FLYWCH1: variants seen among roughly 807,000 people sequenced by gnomAD.
The protein encoded by FLYWCH1 is FLYWCH-type zinc finger-containing protein 1.
In FLYWCH1, 75 loss-of-function variants were observed where a neutral mutation model predicts 66.4. That is an observed-to-expected ratio of 1.13 (90% CI 0.94 to 1.37). FLYWCH1 has a LOEUF of 1.37. FLYWCH1 is among the 40% of genes most tolerant of loss of function. The pLI is 0.00. For missense variants in FLYWCH1, 1,334 were observed against 1,001.8 expected (o/e 1.33, Z -4.48); for synonymous variants, 595 against 429.9 (o/e 1.38, Z -4.75).
intron 2 of FLYWCH1, among the ~76,000 whole-genome samples, chr16:2,917,524 C>T (rs1049544118): frequency 4.0e-5 from 6 of 151,648 alleles, no homozygotes; most frequent in African/African-American, 7.3e-5. Context: ...CCACCATGCC[C>T]GGCCGTTAAT....
At chr16:2,926,644 G>T (rs563677151) in intron 2 of FLYWCH1, among the ~76,000 whole-genome samples, 1 of 152,332 alleles carries the variant, frequency 6.6e-6, no homozygotes, top group South Asian at 2.1e-4. Context: ...TGACTTTGTG[G>T]CAAGATTGCA....
At chr16:2,912,229 G>GGGGTCCCGA (rs2070011559) in intron 1 of FLYWCH1, 75 bp downstream of exon 1, 2 of 152,340 alleles carry the variant, frequency 1.3e-5, no homozygotes, top group African/African-American at 4.8e-5. Flanking sequence ...GGCTCTCCCG[G>GGGGTCCCGA]GGGTCCCGAG....
At chr16:2,945,833 T>TA (rs1273789057) in intron 9 of FLYWCH1, among the ~76,000 whole-genome samples, 4 of 151,694 alleles carry the variant, frequency 2.6e-5, no homozygotes, top group Admixed American at 1.3e-4. Flanking sequence ...CCATCTCTAC[T>TA]AAAAATACAA....
chr16:2,943,339 G>A (rs756231653), intron 9 of FLYWCH1: 4 of 151,742 alleles, frequency 2.6e-5, no homozygotes, highest in African/African-American at 4.9e-5. Flanking sequence ...GGTTTCCTCC[G>A]GCCCTCACCC....
intron 7 of FLYWCH1, 34 bp from the exon 8 acceptor site, chr16:2,938,150 G>A (rs752847922): frequency 1.2e-6 from 2 of 1,600,746 alleles, no homozygotes; most frequent in South Asian, 1.1e-5. Flanking sequence ...CCAGGCCCCT[G>A]TGGCCCCACT....
At position 2,950,141 on chromosome 16, in the gene FLYWCH1, A is replaced by G. The variant is rs1484396495; in HGVS notation, c.*1414A>G. 6.6e-6 allele frequency: 1 copy of G among 152,272 alleles called. No homozygotes were observed. The highest frequency in any genetic ancestry group is 1.5e-5 in the Non-Finnish European group (1 of 68,082). The allele number at this position is 152,272 out of a possible 1,614,324, so 9.4% of individuals were successfully genotyped here. A position where few individuals can be genotyped will look rare whatever the true frequency, so the allele number is the denominator to read the frequency against. ...CTGCGTTACGCCTAGACTCATCTGCATAAGCCTGGGCAAGTGGCACCCCTG... is the reference window on the plus strand; with the variant it reads ...CTGCGTTACGCCTAGACTCATCTGCGTAAGCCTGGGCAAGTGGCACCCCTG... On this transcript the variant is annotated 3_prime_UTR_variant, in exon 10 of 10. Transcript: ENST00000253928.
intron 4 of FLYWCH1, among the ~76,000 whole-genome samples, chr16:2,931,329 A>G (rs2070755423): frequency 7.4e-6 from 1 of 136,024 alleles, no homozygotes; most frequent in East Asian, 2.1e-4. Context: ...AAAAAAAAAA[A>G]ATACATAAAT....
At chr16:2,933,693 G>T in intron 5 of FLYWCH1, 23 bp from the exon 6 acceptor site, 1 of 1,603,578 alleles carries the variant, frequency 6.2e-7, no homozygotes, top group Non-Finnish European at 8.5e-7. Flanking sequence ...CCCCTCCCCT[G>T]ACTGCCTCTT....
At chr16:2,941,015 A>G (rs67886023) in intron 9 of FLYWCH1, among the ~76,000 whole-genome samples, 1 of 151,986 alleles carries the variant, frequency 6.6e-6, no homozygotes, top group African/African-American at 2.4e-5. Flanking sequence ...CATGTAATCC[A>G]AGCTATTCGG....
intron 6 of FLYWCH1, chr16:2,936,000 C>T (rs1257091804): frequency 1.1e-5 from 2 of 181,014 alleles, no homozygotes; most frequent in African/African-American, 4.8e-5. Flanking sequence ...ACCTCTGTCT[C>T]CCAGGTTCAA....
At position 2,948,775 on chromosome 16, in the gene FLYWCH1, A is replaced by G. The variant is rs745402351; in HGVS notation, c.*48A>G. On this transcript the variant is annotated 3_prime_UTR_variant, in exon 10 of 10. Coordinates refer to ENST00000253928, the MANE Select transcript of FLYWCH1 (RefSeq NM_001308068.2). ...CGAGCCGCCCACCCAAGGTGGCTTC[A>G]CATCCACACAGGCACTTCCCATCCA... is the stretch of plus-strand genomic sequence containing the variant. 7 of 1,570,404 alleles carry G rather than the reference A, an allele frequency of 4.5e-6. No individual in the cohort carries two copies. In the Admixed American group the frequency reaches 1.2e-4, roughly 26 times the overall value.
intron 2 of FLYWCH1, among the ~76,000 whole-genome samples, chr16:2,924,764 C>T (rs2070497662): frequency 6.6e-6 from 1 of 152,222 alleles, no homozygotes; most frequent in Non-Finnish European, 1.5e-5. Context: ...CAGCATCTAC[C>T]ATCCAAGAGC....
intron 6 of FLYWCH1, chr16:2,936,789 GGC>G: frequency 9.4e-6 from 5 of 534,492 alleles, no homozygotes; most frequent in South Asian, 7.7e-5. Flanking sequence ...TGACCAACCA[GGC>G]ACGGCGCACC....
intron 2 of FLYWCH1, among the ~76,000 whole-genome samples, chr16:2,916,791 G>A (rs907164579): frequency 6.6e-6 from 1 of 151,900 alleles, no homozygotes; most frequent in African/African-American, 2.4e-5. Context: ...CTCTCTTCTT[G>A]AGGTTCCCCA....
intron 2 of FLYWCH1, among the ~76,000 whole-genome samples, chr16:2,916,445 C>T (rs1188157122): frequency 6.6e-6 from 1 of 151,934 alleles, no homozygotes; most frequent in Non-Finnish European, 1.5e-5. Flanking sequence ...ACCATCCTGG[C>T]TAACATGGTG....
chr16:2,944,051 A>G (rs2071379552), intron 9 of FLYWCH1, among the ~76,000 whole-genome samples: 1 of 152,030 alleles, frequency 6.6e-6, no homozygotes, highest in Non-Finnish European at 1.5e-5. Context: ...AGCTGTGATC[A>G]TGCATCTACA....
At chr16:2,934,551 TCTGG>T in intron 6 of FLYWCH1, 1 of 439,368 alleles carries the variant, frequency 2.3e-6, no homozygotes, top group Non-Finnish European at 4.5e-6. Context: ...CCCCATAGCG[TCTGG>T]CTGAGGAGCC....
rs1033288288 is a variant in FLYWCH1, at chr16:2,918,759, T to C, written c.-74+4470T>C. Reference sequence around the variant, plus strand: ...CCTGGCCTTAAATGTTTTTAAGTTATAAACATGTAAAATAAAATTCGCCAA... The same window carrying C: ...CCTGGCCTTAAATGTTTTTAAGTTACAAACATGTAAAATAAAATTCGCCAA... On this transcript the variant is annotated intron_variant, in intron 2 of 9. Transcript: ENST00000253928. 1.2e-4 allele frequency among the ~76,000 whole-genome samples: 19 copies of C among 152,058 alleles called. No individual in the cohort carries two copies. In the South Asian group the frequency reaches 3.9e-3, roughly 32 times the overall value.
At chr16:2,927,665 G>A (rs118092524) in intron 2 of FLYWCH1, among the ~76,000 whole-genome samples, 4,891 of 152,286 alleles carry the variant, frequency 0.032, 144 homozygotes, top group Middle Eastern at 0.096. Flanking sequence ...AGAATTCCCC[G>A]GCTGGCTCAG....
Sources: gnomAD v4.1 joint callset for allele counts (sites outside exome capture counted in the v4.1 genomes callset) on GRCh38, gnomAD v4.1.1 for gene constraint, MANE v1.5 for transcripts, NCBI Gene and HGNC (gene_info 2026-07-23, HGNC 2026-07-21) for gene names.